EFHB: variants seen among roughly 807,000 people sequenced by gnomAD.
EFHB encodes EF-hand domain-containing family member B.
A neutral mutation model predicts 87.2 loss-of-function variants in EFHB; 91 were observed. The ratio of observed to expected loss-of-function variants is 1.04; its 90% CI spans 0.88 to 1.24. The LOEUF is 1.24. Ranked by LOEUF, EFHB falls within the 50% of genes most tolerant of loss-of-function variation. EFHB has a pLI of 0.00. For missense variants in EFHB, 1,084 were observed against 998.8 expected (o/e 1.09, Z -1.15); for synonymous variants, 325 against 333.6 (o/e 0.97, Z 0.28).
chr3:19,933,175 A>G, intron 1 of EFHB, 55 bp downstream of exon 1: 1 of 1,510,250 alleles, frequency 6.6e-7, no homozygotes, highest in Admixed American at 2.4e-5. Context: ...TATCATCTCA[A>G]TAAAGACATG....
chr3:19,891,482 C>CT (rs1380126532), intron 9 of EFHB, among the ~76,000 whole-genome samples: 1 of 152,196 alleles, frequency 6.6e-6, no homozygotes, highest in Non-Finnish European at 1.5e-5. Context: ...CACTTATAGT[C>CT]TGGCTGAGCT....
intron 9 of EFHB, among the ~76,000 whole-genome samples, chr3:19,892,076 T>G (rs1263078998): frequency 1.3e-5 from 2 of 152,178 alleles, no homozygotes; most frequent in Non-Finnish European, 2.9e-5. Context: ...GTTATGGAAT[T>G]GCCATTCCAG....
chr3:19,905,814 A>C, intron 5 of EFHB, 65 bp from the exon 6 acceptor site: 1 of 1,530,658 alleles, frequency 6.5e-7, no homozygotes, highest in Non-Finnish European at 8.8e-7. Flanking sequence ...TGCAAGATGC[A>C]CACTATGTTC....
chr3:19,918,310 T>C lies in EFHB; in HGVS notation c.1099A>G (p.Lys367Glu), dbSNP rs568841489. 6.3e-5 allele frequency: 102 copies of C among 1,613,670 alleles called. 1 individual carries two copies. Among genetic ancestry groups the C allele is most frequent in the South Asian group, 5.4e-4 (49 of 90,926 alleles). Reference protein sequence around the residue: ...YLSNRRAPLGKSHDQAPGLPK... With the variant: ...YLSNRRAPLGESHDQAPGLPK... ...AATCCTGGTGCTTGATCGTGAGATTTTCCTAATGGTGCTCGTCGATTGCTA... is the reference window on the plus strand; with the variant it reads ...AATCCTGGTGCTTGATCGTGAGATTCTCCTAATGGTGCTCGTCGATTGCTA... The change falls in exon 4 of 13, where the codon AAA (lysine) becomes GAA (glutamate). Residue 367 changes from lysine (K) to glutamate (E), a missense_variant. Lys to Glu is a moderately conservative substitution (Grantham distance 56, BLOSUM62 1). Coordinates refer to ENST00000295824, the MANE Select transcript of EFHB (RefSeq NM_144715.4).
chr3:19,907,156 C>A (rs1694868646), intron 5 of EFHB, among the ~76,000 whole-genome samples: 1 of 151,310 alleles, frequency 6.6e-6, no homozygotes, highest in Non-Finnish European at 1.5e-5. Context: ...GATACAAAAG[C>A]TCAGACTACA....
At chr3:19,897,602 T>C (rs957534844) in intron 8 of EFHB, among the ~76,000 whole-genome samples, 3 of 152,216 alleles carry the variant, frequency 2.0e-5, no homozygotes, top group Admixed American at 1.3e-4. Context: ...TGATGAAAGA[T>C]GTCCTATGTG....
chr3:19,933,637 GCT>G lies in EFHB; in HGVS notation c.380_381del (p.Gln127ProfsTer22), dbSNP rs769746898. On this transcript the variant is annotated frameshift_variant, in exon 1 of 13. Transcript: ENST00000295824. LOFTEE classifies it high-confidence loss of function. Reference sequence around the variant, plus strand: ...CTTCCACACACCCTGCCCAAAGGAGGCTGTATTATCCGTTCATGGGTATATCC... The same window carrying G: ...CTTCCACACACCCTGCCCAAAGGAGGGTATTATCCGTTCATGGGTATATCC... The part of the protein sequence containing the change: ...LAGYTHERII[Q>X]PPLGRVCGSS... 5.0e-6 allele frequency: 8 copies of G among 1,613,840 alleles called. No homozygotes were observed. The East Asian group carries it at 1.8e-4, about 36-fold the overall frequency.
chr3:19,937,910 C>T (rs1182579127), upstream of EFHB, among the ~76,000 whole-genome samples: 3 of 152,198 alleles, frequency 2.0e-5, no homozygotes, highest in African/African-American at 7.2e-5. Flanking sequence ...TCCTCCTCCC[C>T]TGAAGACTGT....
intron 8 of EFHB, 80 bp downstream of exon 8, chr3:19,898,698 G>A (rs1694564814): frequency 7.5e-7 from 1 of 1,329,926 alleles, no homozygotes; most frequent in African/African-American, 1.5e-5. Flanking sequence ...TAAGGAGATG[G>A]TGAGCTTAAC....
At chr3:19,915,242 C>T in intron 5 of EFHB, 61 bp downstream of exon 5, 1 of 1,070,508 alleles carries the variant, frequency 9.3e-7, no homozygotes, top group Non-Finnish European at 1.4e-6. Flanking sequence ...TTCCTTTATT[C>T]CTCTTCACAA....
intron 1 of EFHB, chr3:19,945,807 G>A (rs1052063118): frequency 2.0e-5 from 3 of 152,146 alleles, no homozygotes; most frequent in Admixed American, 1.3e-4. Context: ...GCTGTTCAAA[G>A]TTCAAATCAT....
chr3:19,915,192 T>C lies in EFHB; in HGVS notation c.1288+111A>G, dbSNP rs1190660404. ...GACCTTATGAATAATATTGTATTAG[T>C]TACCTATTACATGGCAGGCATTTAA... On this transcript the variant is annotated intron_variant, in intron 5 of 12. Transcript: ENST00000295824. 2.5e-5 allele frequency: 16 copies of C among 644,724 alleles called. No individual in the cohort carries two copies. The East Asian group carries it at 4.2e-4, about 17-fold the overall frequency. 39.9% of individuals were successfully genotyped at this position (644,724 alleles called of 1,614,324 possible).
At chr3:19,930,592 A>C (rs1559474037) in intron 1 of EFHB, among the ~76,000 whole-genome samples, 1 of 152,094 alleles carries the variant, frequency 6.6e-6, no homozygotes, top group Non-Finnish European at 1.5e-5. Context: ...TTAATGTCCA[A>C]AGTTAATTAA....
intron 1 of EFHB, among the ~76,000 whole-genome samples, chr3:19,923,778 A>G (rs1575039271): frequency 3.3e-5 from 5 of 152,358 alleles, no homozygotes; most frequent in South Asian, 2.1e-4. Context: ...GGAAAATGTA[A>G]ATAAACAAAA....
In EFHB at chr3:19,884,115, T is replaced by C. The variant is rs114625210; in HGVS notation, c.2146+288A>G. 5.6e-3 allele frequency among the ~76,000 whole-genome samples: 847 copies of C among 152,356 alleles called. 8 individuals are homozygous for C. Among genetic ancestry groups the C allele is most frequent in the African/African-American group, 0.019 (806 of 41,576 alleles). On this transcript the variant is annotated intron_variant, in intron 11 of 12. Transcript: ENST00000295824. ...TTTTAAAATCGTCTAATATTAATAC[T>C]TGGTGGAGTCTGAATTACTACAATG...
chr3:19,907,059 TA>T (rs1694866251), intron 5 of EFHB, among the ~76,000 whole-genome samples: 1 of 145,976 alleles, frequency 6.9e-6, no homozygotes, highest in Admixed American at 6.8e-5. Flanking sequence ...AAAAAAAAAC[TA>T]AACGTTAAGA....
In EFHB at chr3:19,894,993, T is replaced by C. The variant is rs182544608; in HGVS notation, c.1725+1694A>G. The C allele has an allele frequency of 3.5e-5, 5 of 143,626 alleles. No homozygotes were observed. In the East Asian group the frequency reaches 7.9e-4, roughly 23 times the overall value. 8.9% of individuals were successfully genotyped at this position (143,626 alleles called of 1,614,324 possible). A position where few individuals can be genotyped will look rare whatever the true frequency, so the allele number is the denominator to read the frequency against. On this transcript the variant is annotated intron_variant, in intron 9 of 12. Coordinates refer to ENST00000295824, the MANE Select transcript of EFHB (RefSeq NM_144715.4). ...GAGCAAGACTTTGTCTCAAAAAATA[T>C]ATATATGTATATATAAAAATATATA... is the stretch of plus-strand genomic sequence containing the variant.
chr3:19,905,115 G>A (rs757800161), intron 6 of EFHB, among the ~76,000 whole-genome samples: 6 of 152,298 alleles, frequency 3.9e-5, no homozygotes, highest in South Asian at 2.1e-4. Context: ...GGTCAAGACA[G>A]GATGGTTATT....
At chr3:19,936,586 G>C (rs1696027094), upstream of EFHB, among the ~76,000 whole-genome samples, 2 of 151,968 alleles carry the variant, frequency 1.3e-5, no homozygotes, top group South Asian at 4.1e-4. Flanking sequence ...TAAAAAATAA[G>C]GCCAGGCGCA....
Sources: gnomAD v4.1 joint callset for allele counts (sites outside exome capture counted in the v4.1 genomes callset) on GRCh38, gnomAD v4.1.1 for gene constraint, MANE v1.5 for transcripts, NCBI Gene and HGNC (gene_info 2026-07-23, HGNC 2026-07-21) for gene names.